RYR2: variants seen among roughly 807,000 people sequenced by gnomAD.
The protein encoded by RYR2 is cardiac muscle ryanodine receptor-calcium release channel.
In RYR2, 227 loss-of-function variants were observed where a neutral mutation model predicts 601.1. The ratio of observed to expected loss-of-function variants is 0.38; its 90% CI spans 0.34 to 0.42. The LOEUF (loss-of-function observed/expected upper bound fraction) is 0.42. Ranked by LOEUF, RYR2 falls within the 10% of genes least tolerant of loss-of-function variation. The pLI, the probability that RYR2 is intolerant of heterozygous loss-of-function variation, is 1.00. For synonymous variants in RYR2, 2,223 were observed against 2,175.1 expected, an observed-to-expected ratio of 1.02 and a Z score of -0.61; for missense variants, 4,646 against 6,156.5, an observed-to-expected ratio of 0.75 and a Z score of 8.21.
chr1:237,728,769 C>T (rs1295575809), intron 76 of RYR2, among the ~76,000 whole-genome samples: 3 of 149,916 alleles, frequency 2.0e-5, no homozygotes, highest in East Asian at 2.0e-4. Context: ...GAACATCACA[C>T]ACTGGGGCCT....
intron 1 of RYR2, among the ~76,000 whole-genome samples, chr1:237,072,716 G>A (rs920532739): frequency 2.0e-5 from 3 of 152,080 alleles, no homozygotes; most frequent in South Asian, 2.1e-4. Context: ...GGAGGCCGAG[G>A]CAGGTGGATT....
intron 79 of RYR2, among the ~76,000 whole-genome samples, chr1:237,737,131 A>G (rs1423080552): frequency 6.6e-6 from 1 of 152,148 alleles, no homozygotes; most frequent in Admixed American, 6.5e-5. Context: ...TGATTGTTAG[A>G]GTTCTTCCTT....
At chr1:237,827,700 AG>A (rs1161291648) in intron 101 of RYR2, among the ~76,000 whole-genome samples, 1 of 150,360 alleles carries the variant, frequency 6.7e-6, no homozygotes, top group Non-Finnish European at 1.5e-5. Flanking sequence ...GCACTTTGGG[AG>A]GCCGAGGCAG....
At chr1:237,348,168 T>A (rs756822313) in intron 3 of RYR2, among the ~76,000 whole-genome samples, 5 of 152,164 alleles carry the variant, frequency 3.3e-5, no homozygotes, top group Middle Eastern at 3.2e-3. Flanking sequence ...TTTATTATTA[T>A]TATTACGAGA....
intron 94 of RYR2, 109 bp from the exon 95 acceptor site, chr1:237,793,758 G>T: frequency 4.9e-6 from 4 of 812,870 alleles, no homozygotes; most frequent in Non-Finnish European, 5.9e-6. Flanking sequence ...TACCTTCCTA[G>T]AAGTACACAG....
rs747401991 is a variant in RYR2 at position 237,677,849 on chromosome 1, TA to T, written c.8831-196del. 2.7e-3 allele frequency among the ~76,000 whole-genome samples: 407 copies of T among 152,336 alleles called. 3 individuals carry two copies. Among genetic ancestry groups the T allele is most frequent in the Non-Finnish European group, 3.7e-3 (252 of 68,024 alleles). ...CTATGGGCTGTCCTCAATAGCTTTT[TA>T]AATTTAGATTTGGGTATTAAACATC... On this transcript the variant is annotated intron_variant, in intron 60 of 104. Coordinates refer to ENST00000366574, the MANE Select transcript of RYR2 (RefSeq NM_001035.3).
chr1:237,789,526 T>TATTA (rs3841807), intron 92 of RYR2, among the ~76,000 whole-genome samples: 9,006 of 62,454 alleles, frequency 0.14, 413 homozygotes, highest in East Asian at 0.28. Context: ...GGTATAGTTC[T>TATTA]ATTATAGGTC....
intron 88 of RYR2, among the ~76,000 whole-genome samples, chr1:237,780,171 G>A (rs927042135): frequency 6.6e-6 from 1 of 152,186 alleles, no homozygotes; most frequent in African/African-American, 2.4e-5. Flanking sequence ...CAAAGTTGAG[G>A]CCAAGTTGAG....
chr1:237,829,695 T>A (rs1663561002), intron 102 of RYR2, among the ~76,000 whole-genome samples: 1 of 152,192 alleles, frequency 6.6e-6, no homozygotes, highest in African/African-American at 2.4e-5. Flanking sequence ...TTATACACTA[T>A]TATAATCATC....
chr1:237,724,184 C>CATATATAT lies in RYR2; in HGVS notation c.10689+949_10689+956dup, dbSNP rs35705894. Among the ~76,000 whole-genome samples the CATATATAT allele has an allele frequency of 7.3e-3, 993 of 136,832 alleles. 10 individuals are homozygous for CATATATAT. The highest frequency in any genetic ancestry group is 0.011 in the Middle Eastern group (3 of 262). The allele number at this position is 136,832 out of a possible 152,430, so 89.8% of individuals were successfully genotyped here. A position where few individuals can be genotyped will look rare whatever the true frequency, so the allele number is the denominator to read the frequency against. On this transcript the variant is annotated intron_variant, in intron 74 of 104. Transcript: ENST00000366574. ...TGCCACCTAAATGTATGTGTGTGTG[C>CATATATAT]ATATATATATATATATATATATATA...
rs998975352 is a variant in RYR2, at chr1:237,819,723, C to G, written c.14590+531C>G. 3.3e-5 allele frequency among the ~76,000 whole-genome samples: 5 copies of G among 152,116 alleles called. No individual in the cohort carries two copies. The highest frequency in any genetic ancestry group is 4.8e-5 in the African/African-American group (2 of 41,410). On this transcript the variant is annotated intron_variant, in intron 101 of 104. Transcript: ENST00000366574. This position sits in a 1 kb window ranked among gnomAD's most constrained non-coding sequence, Gnocchi z 4.0. ...ATCCCAGCTACCTGGGAGGCTGAGGCAGGAGAATTGCTTGAACCCGGGAGG... is the reference window on the plus strand; with the variant it reads ...ATCCCAGCTACCTGGGAGGCTGAGGGAGGAGAATTGCTTGAACCCGGGAGG...
In RYR2 at chr1:237,289,153, G is replaced by A. The variant is rs192388155; in HGVS notation, c.168+18537G>A. Among the ~76,000 whole-genome samples, 587 of 152,268 alleles carry A rather than the reference G, an allele frequency of 3.9e-3. 14 individuals carry two copies. Among genetic ancestry groups the A allele is most frequent in the Non-Finnish European group, 1.4e-3 (98 of 68,024 alleles). On this transcript the variant is annotated intron_variant, in intron 2 of 104. Transcript: ENST00000366574. ...ATGGTTGGGGCACTCACAGTTTTAG[G>A]GGGGTCTCCCGGGTCCTGCAGGAGC... is the stretch of plus-strand genomic sequence containing the variant.
intron 90 of RYR2, among the ~76,000 whole-genome samples, chr1:237,785,762 C>T (rs1340472079): frequency 6.6e-6 from 1 of 152,092 alleles, no homozygotes; most frequent in Admixed American, 6.5e-5. Context: ...AAAGTTTGTC[C>T]CTGCTGCTGG....
At chr1:237,306,943 A>T (rs1693934958) in intron 2 of RYR2, among the ~76,000 whole-genome samples, 1 of 152,212 alleles carries the variant, frequency 6.6e-6, no homozygotes, top group South Asian at 2.1e-4. Flanking sequence ...ATACAATTTA[A>T]TTAGTAGAAA....
chr1:237,128,991 A>G (rs1338061559), intron 1 of RYR2, among the ~76,000 whole-genome samples: 1 of 152,190 alleles, frequency 6.6e-6, no homozygotes, highest in East Asian at 1.9e-4. Flanking sequence ...TTGAAGGAAG[A>G]GTAGCTTTGA....
chr1:237,669,864 G>T (rs1003630859), intron 58 of RYR2, among the ~76,000 whole-genome samples: 2 of 151,894 alleles, frequency 1.3e-5, no homozygotes, highest in Non-Finnish European at 1.5e-5. Context: ...AGGCAGAGAC[G>T]CTCCTCACTT....
chr1:237,054,210 T>C (rs1425470087), intron 1 of RYR2, among the ~76,000 whole-genome samples: 1 of 142,608 alleles, frequency 7.0e-6, no homozygotes, highest in Non-Finnish European at 1.5e-5. Flanking sequence ...CTTTCCTCCC[T>C]TCCTTCCTTT....
At position 237,496,571 on chromosome 1, in the gene RYR2, C is replaced by T. The variant is rs1411379557; in HGVS notation, c.2022C>T (p.Tyr674=). Residue 674 remains tyrosine (Y), a synonymous_variant, in exon 20 of 105, where the codon TAC becomes TAT. Coordinates refer to ENST00000366574, the MANE Select transcript of RYR2 (RefSeq NM_001035.3). ...SEGSAQYKKW[Y]YELMVDHTEP... is the part of the protein sequence containing the mutation. ...GTTCTGCTCAGTATAAGAAATGGTACTATGAATTGATGGTGGACCACACAG... is the reference window on the plus strand; with the variant it reads ...GTTCTGCTCAGTATAAGAAATGGTATTATGAATTGATGGTGGACCACACAG... The T allele has an allele frequency of 1.1e-5, 17 of 1,613,952 alleles. No homozygotes were observed. In the African/African-American group the frequency reaches 2.0e-4, roughly 19 times the overall value.
chr1:237,214,137 T>C (rs932778140), intron 1 of RYR2, among the ~76,000 whole-genome samples: 5 of 151,974 alleles, frequency 3.3e-5, no homozygotes, highest in African/African-American at 1.2e-4. Flanking sequence ...GCCAGGCTGG[T>C]CTTGAACTCC....
Sources: allele counts gnomAD v4.1 joint callset (sites outside exome capture counted in the v4.1 genomes callset), GRCh38; gene constraint gnomAD v4.1.1; non-coding constraint Gnocchi (gnomAD v3.1); transcripts MANE v1.5; gene names NCBI Gene and HGNC (gene_info 2026-07-23, HGNC 2026-07-21).